The following TMCO4 variants were observed in gnomAD, a reference collection of about 807,000 sequenced individuals.
The protein encoded by TMCO4 is transmembrane and coiled-coil domain-containing protein 4.
TMCO4 carries 58 observed loss-of-function variants against 64.7 expected under a neutral mutation model. The ratio of observed to expected loss-of-function variants is 0.90; its 90% CI spans 0.73 to 1.12. TMCO4 has a LOEUF of 1.12. TMCO4 is among the 50% of genes most tolerant of loss of function. The pLI, the probability that TMCO4 is intolerant of heterozygous loss-of-function variation, is 0.00. For missense variants in TMCO4, 780 were observed against 825.9 expected (o/e 0.94, Z 0.68); for synonymous variants, 325 against 346.1 (o/e 0.94, Z 0.68).
chr1:19,758,874 G>C (rs111885023), intron 6 of TMCO4, among the ~76,000 whole-genome samples: 5 of 152,186 alleles, frequency 3.3e-5, no homozygotes, highest in African/African-American at 1.2e-4. Context: ...GCCGAGGTGG[G>C]CCAATCACTT....
At chr1:19,690,275 C>T (rs976343468) in intron 15 of TMCO4, among the ~76,000 whole-genome samples, 4 of 152,210 alleles carry the variant, frequency 2.6e-5, no homozygotes, top group Non-Finnish European at 4.4e-5. Context: ...GGCCTTTTGC[C>T]CTCATCAGTG....
At chr1:19,700,013 A>T (rs887300137) in intron 14 of TMCO4, among the ~76,000 whole-genome samples, 3 of 152,144 alleles carry the variant, frequency 2.0e-5, no homozygotes, top group Non-Finnish European at 2.9e-5. Flanking sequence ...AGCCTTAAAC[A>T]CTGTTGCTCT....
chr1:19,746,653 G>T, intron 8 of TMCO4, 54 bp from the exon 9 acceptor site: 2 of 1,555,720 alleles, frequency 1.3e-6, no homozygotes, highest in Non-Finnish European at 1.7e-6. Context: ...GGCTGGACGC[G>T]GTGGCTCACG....
intron 3 of TMCO4, among the ~76,000 whole-genome samples, chr1:19,785,061 C>T (rs1172958449): frequency 6.6e-6 from 1 of 152,148 alleles, no homozygotes; most frequent in Non-Finnish European, 1.5e-5. Context: ...CACTACGCTA[C>T]AGCCACACTG....
chr1:19,734,162 G>T lies in TMCO4; in HGVS notation c.1264+3210C>A, dbSNP rs1033402308. Among the ~76,000 whole-genome samples the T allele has an allele frequency of 1.3e-5, 2 of 152,158 alleles. No homozygotes were observed. The highest frequency in any genetic ancestry group is 4.8e-5 in the African/African-American group (2 of 41,424). On this transcript the variant is annotated intron_variant, in intron 13 of 15. Transcript: ENST00000294543. The surrounding 1 kb of genome is among the most constrained non-coding windows in gnomAD (Gnocchi z 4.4). ...AAAGGAGACAGAGAGGACGGACCAA[G>T]AGGGAACAATGGAAATAGAGCTTGG...
At chr1:19,754,371 CT>C (rs2042152753) in intron 7 of TMCO4, among the ~76,000 whole-genome samples, 1 of 152,186 alleles carries the variant, frequency 6.6e-6, no homozygotes, top group Non-Finnish European at 1.5e-5. Flanking sequence ...TATTTCTATA[CT>C]GACACAACTC....
At chr1:19,730,706 A>C (rs2095426681) in intron 13 of TMCO4, among the ~76,000 whole-genome samples, 1 of 152,208 alleles carries the variant, frequency 6.6e-6, no homozygotes, top group African/African-American at 2.4e-5. Context: ...AAGGGAGTGG[A>C]AGCTGTGAAG....
chr1:19,762,918 G>A (rs2042568220), intron 6 of TMCO4, among the ~76,000 whole-genome samples: 1 of 152,304 alleles, frequency 6.6e-6, no homozygotes, highest in Non-Finnish European at 1.5e-5. Context: ...AGACCAAAGC[G>A]AAGGAACCCA....
At chr1:19,691,576 A>C (rs565679579) in intron 15 of TMCO4, among the ~76,000 whole-genome samples, 86 of 152,322 alleles carry the variant, frequency 5.6e-4, no homozygotes, top group South Asian at 4.3e-3. Context: ...TCTGAGGCCT[A>C]GCTTCATTGG....
chr1:19,776,203 C>T (rs1041486302), intron 4 of TMCO4, among the ~76,000 whole-genome samples: 4 of 152,306 alleles, frequency 2.6e-5, no homozygotes, highest in South Asian at 2.1e-4. Context: ...CCACCACACT[C>T]GGCCAATATT....
intron 3 of TMCO4, among the ~76,000 whole-genome samples, chr1:19,785,949 A>G (rs2043720159): frequency 6.6e-6 from 1 of 152,220 alleles, no homozygotes; most frequent in Non-Finnish European, 1.5e-5. Flanking sequence ...GTATGGTGGT[A>G]GAGACAGACA....
chr1:19,759,239 A>C (rs1390143630), intron 6 of TMCO4, among the ~76,000 whole-genome samples: 1 of 151,854 alleles, frequency 6.6e-6, no homozygotes, highest in Non-Finnish European at 1.5e-5. Flanking sequence ...CTGCACCTGC[A>C]AAACATATCC....
chr1:19,799,591 C>G (rs950747388), intron 1 of TMCO4, among the ~76,000 whole-genome samples: 11 of 152,360 alleles, frequency 7.2e-5, no homozygotes, highest in African/African-American at 2.4e-4. Flanking sequence ...GTTTCCCCCT[C>G]TGCCTCCCCA....
chr1:19,702,430 A>G (rs2100628613), intron 13 of TMCO4, among the ~76,000 whole-genome samples: 1 of 152,326 alleles, frequency 6.6e-6, no homozygotes, highest in East Asian at 1.9e-4. Flanking sequence ...TGTCTCTACT[A>G]AAAATACAAA....
At position 19,771,323 on chromosome 1, in the gene TMCO4, CG is replaced by C; in HGVS notation, c.338del (p.Pro113ArgfsTer3). The C allele has an allele frequency of 6.2e-7, 1 of 1,613,994 alleles. No homozygotes were observed. The highest frequency in any genetic ancestry group is 8.5e-7 in the Non-Finnish European group (1 of 1,179,942). On this transcript the variant is annotated frameshift_variant, in exon 5 of 16. Transcript: ENST00000294543. LOFTEE classifies it high-confidence loss of function. ...TTGGGTGTACCTGAGTGATCACCGT[CG>C]GGTCGTCCTTCAAGATGGGGTCCTT... ...LLKDPILKDDPTVITQDLLSF... is the reference protein window; with the variant it reads ...LLKDPILKDDXTVITQDLLSF...
chr1:19,684,622 A>G (rs866260294), intron 15 of TMCO4, among the ~76,000 whole-genome samples: 2 of 152,198 alleles, frequency 1.3e-5, no homozygotes, highest in South Asian at 4.1e-4. Flanking sequence ...AAAGAAAGCT[A>G]CAGCATAGAC....
Position 19,688,412 on chromosome 1 carries a change from T to C in TMCO4, c.1501-4968A>G, listed in dbSNP as rs191043784. ...CAACTTACCCAAACAGAGGCTGCCA[T>C]CACCCACCTCCATCTGCCCCAGTGA... On this transcript the variant is annotated intron_variant, in intron 15 of 15. Transcript: ENST00000294543. 2.0e-3 allele frequency among the ~76,000 whole-genome samples: 305 copies of C among 152,264 alleles called. 1 individual carries two copies. The highest frequency in any genetic ancestry group is 6.6e-3 in the African/African-American group (273 of 41,552).
intron 7 of TMCO4, among the ~76,000 whole-genome samples, chr1:19,755,039 A>G (rs1236724983): frequency 1.3e-5 from 2 of 152,212 alleles, no homozygotes; most frequent in African/African-American, 4.8e-5. Flanking sequence ...AGGTGTCATA[A>G]GAGCCTGAGG....
intron 2 of TMCO4, 126 bp from the exon 3 acceptor site, chr1:19,787,243 C>T (rs1004249127): frequency 1.3e-5 from 2 of 152,302 alleles, no homozygotes; most frequent in African/African-American, 4.8e-5. Flanking sequence ...ACCGTCGCTC[C>T]CCTGGGCCCT....
Sources: gnomAD v4.1 joint callset for allele counts (sites outside exome capture counted in the v4.1 genomes callset) on GRCh38, gnomAD v4.1.1 for gene constraint, Gnocchi (gnomAD v3.1) non-coding constraint, MANE v1.5 for transcripts, NCBI Gene and HGNC (gene_info 2026-07-23, HGNC 2026-07-21) for gene names.